Variants in AFAP1L2 observed in about 807,000 individuals in gnomAD.
AFAP1L2 encodes the protein actin filament associated protein 1 like 2.
Under a neutral mutation model 99.3 loss-of-function variants are expected in AFAP1L2, and 46 were observed. The ratio of observed to expected loss-of-function variants is 0.46; its 90% CI spans 0.37 to 0.59. AFAP1L2 has a LOEUF of 0.59. Ranked by LOEUF, AFAP1L2 falls within the 20% of genes least tolerant of loss-of-function variation. AFAP1L2 has a pLI of 0.00. For synonymous variants in AFAP1L2, 397 were observed against 419.1 expected (o/e 0.95, Z 0.64); for missense variants, 959 against 1,034.9 (o/e 0.93, Z 1.01).
At chr10:114,323,025 A>T in intron 5 of AFAP1L2, 146 bp downstream of exon 5, 2 of 713,588 alleles carry the variant, frequency 2.8e-6, no homozygotes, top group Non-Finnish European at 4.6e-6. Flanking sequence ...CTCAATTTGG[A>T]CCATGCTTTC....
downstream of AFAP1L2, among the ~76,000 whole-genome samples, chr10:114,291,837 G>A (rs1055226334): frequency 2.0e-5 from 3 of 152,196 alleles, no homozygotes; most frequent in Non-Finnish European, 4.4e-5. Flanking sequence ...GAAGAGACTT[G>A]GAAAGGTCTC....
chr10:114,400,604 G>C (rs1207610442), intron 1 of AFAP1L2, among the ~76,000 whole-genome samples: 1 of 152,194 alleles, frequency 6.6e-6, no homozygotes, highest in South Asian at 2.1e-4. Flanking sequence ...GTGAGTATCG[G>C]GGGGGCATCC....
chr10:114,299,673 G>C (rs184328555), intron 15 of AFAP1L2, among the ~76,000 whole-genome samples: 1 of 152,190 alleles, frequency 6.6e-6, no homozygotes, highest in Non-Finnish European at 1.5e-5. Context: ...GTCTGTGAGC[G>C]TGTTGCCAAA....
At chr10:114,312,356 G>A (rs1012428711) in intron 7 of AFAP1L2, among the ~76,000 whole-genome samples, 1 of 152,088 alleles carries the variant, frequency 6.6e-6, no homozygotes, top group Non-Finnish European at 1.5e-5. Flanking sequence ...TTGTCCGTGT[G>A]TGTACAAATG....
chr10:114,306,305 G>A (rs548221843), intron 10 of AFAP1L2, among the ~76,000 whole-genome samples: 1 of 145,756 alleles, frequency 6.9e-6, no homozygotes, highest in Admixed American at 6.8e-5. Flanking sequence ...CTGCAGGAGG[G>A]GACGCAGATC....
At chr10:114,313,336 G>T (rs190199305) in intron 7 of AFAP1L2, among the ~76,000 whole-genome samples, 81 of 152,292 alleles carry the variant, frequency 5.3e-4, no homozygotes, top group African/African-American at 1.8e-3. Context: ...CCAGGGACGC[G>T]TGGGCAGAGT....
At chr10:114,296,185 G>A in intron 18 of AFAP1L2, 117 bp from the exon 19 acceptor site, 1 of 1,405,928 alleles carries the variant, frequency 7.1e-7, no homozygotes, top group Non-Finnish European at 1.0e-6. Context: ...TAGGCACAGA[G>A]GTGATAAATG....
chr10:114,379,348 C>T (rs1225935806), intron 1 of AFAP1L2, among the ~76,000 whole-genome samples: 1 of 152,030 alleles, frequency 6.6e-6, no homozygotes, highest in African/African-American at 2.4e-5. Context: ...GAAGTGACTA[C>T]CTACCCAGCT....
chr10:114,319,710 G>C (rs974022270), intron 5 of AFAP1L2: 1 of 1,170,790 alleles, frequency 8.5e-7, no homozygotes, highest in African/African-American at 1.6e-5. Context: ...AGAGGAGCAC[G>C]CCCAAGTGCA....
intron 1 of AFAP1L2, among the ~76,000 whole-genome samples, chr10:114,384,531 T>C (rs1289773629): frequency 6.6e-6 from 1 of 152,210 alleles, no homozygotes; most frequent in African/African-American, 2.4e-5. Context: ...GAACGTTGCC[T>C]GGGGTGAAAT....
rs146982952 is a variant in AFAP1L2, at chr10:114,335,659, C to T, written c.146-2364G>A. Among the ~76,000 whole-genome samples the T allele has an allele frequency of 1.2e-3, 176 of 150,472 alleles. 1 individual carries two copies. The highest frequency in any genetic ancestry group is 3.5e-3 in the Middle Eastern group (1 of 286). On this transcript the variant is annotated intron_variant, in intron 2 of 18. Transcript: ENST00000304129. ...CTTAAATGTCTACCAATAGGTTAAA[C>T]ATTAGGATTCATCCAGCATTGAACT...
At chr10:114,397,849 C>A (rs2057875439) in intron 1 of AFAP1L2, among the ~76,000 whole-genome samples, 1 of 152,144 alleles carries the variant, frequency 6.6e-6, no homozygotes, top group African/African-American at 2.4e-5. Context: ...TCACCACAGT[C>A]CACCAGGACT....
chr10:114,303,605 C>T (rs921220966), intron 11 of AFAP1L2, among the ~76,000 whole-genome samples: 1 of 152,238 alleles, frequency 6.6e-6, no homozygotes, highest in Non-Finnish European at 1.5e-5. Context: ...TCATGCCCGG[C>T]CCCCACTTAG....
chr10:114,370,448 G>A (rs1426987897), intron 1 of AFAP1L2, among the ~76,000 whole-genome samples: 1 of 152,218 alleles, frequency 6.6e-6, no homozygotes. Flanking sequence ...AAGAGTCTGG[G>A]TAAGCCCAGC....
chr10:114,321,505 G>A (rs1310291372), intron 5 of AFAP1L2, among the ~76,000 whole-genome samples: 3 of 152,056 alleles, frequency 2.0e-5, no homozygotes, highest in African/African-American at 7.2e-5. Flanking sequence ...CCCCTCATTG[G>A]TTGATGGCAC....
At chr10:114,386,817 T>C (rs1334276548) in intron 1 of AFAP1L2, among the ~76,000 whole-genome samples, 4 of 152,228 alleles carry the variant, frequency 2.6e-5, no homozygotes, top group African/African-American at 7.2e-5. Context: ...GCTCAGGCCA[T>C]GTGGGCCTCG....
chr10:114,332,336 A>T (rs982027992), intron 3 of AFAP1L2, among the ~76,000 whole-genome samples: 5 of 152,130 alleles, frequency 3.3e-5, no homozygotes, highest in Non-Finnish European at 2.9e-5. Flanking sequence ...AGGCTTGGTG[A>T]GGGGCAGGAA....
chr10:114,293,387 G>A (rs956817194), downstream of AFAP1L2, among the ~76,000 whole-genome samples: 1 of 152,202 alleles, frequency 6.6e-6, no homozygotes, highest in East Asian at 1.9e-4. Flanking sequence ...TGCCCTGATT[G>A]AATTACTTGG....
At chr10:114,310,325 C>A in intron 8 of AFAP1L2, 29 bp downstream of exon 8, 2 of 1,581,700 alleles carry the variant, frequency 1.3e-6, no homozygotes, top group Non-Finnish European at 1.7e-6. Flanking sequence ...TGGAAGGGGA[C>A]TCTCCCTCCA....
Sources: gnomAD v4.1 joint callset for allele counts (sites outside exome capture counted in the v4.1 genomes callset) on GRCh38, gnomAD v4.1.1 for gene constraint, MANE v1.5 for transcripts, NCBI Gene and HGNC (gene_info 2026-07-23, HGNC 2026-07-21) for gene names.